The following WWOX variants were observed in gnomAD, a reference collection of about 807,000 sequenced individuals.
WWOX encodes WW domain-containing oxidoreductase.
WWOX carries 69 observed loss-of-function variants against 46.2 expected under a neutral mutation model. That is an observed-to-expected ratio of 1.49 (90% CI 1.23 to 1.82). The LOEUF is 1.82. Ranked by LOEUF, WWOX falls within the 40% of genes most tolerant of loss-of-function variation. WWOX has a pLI of 0.00. For missense variants in WWOX, 919 were observed against 542.6 expected, an observed-to-expected ratio of 1.69 and a Z score of -6.89; for synonymous variants, 359 against 202.6, an observed-to-expected ratio of 1.77 and a Z score of -6.56.
chr16:78,677,053 G>A (rs886775791), intron 8 of WWOX, among the ~76,000 whole-genome samples: 24 of 132,438 alleles, frequency 1.8e-4, no homozygotes, highest in Middle Eastern at 8.0e-3. Context: ...AATACCTAGC[G>A]TACTTTTTTT....
chr16:78,610,201 C>T (rs1054846960), intron 8 of WWOX, among the ~76,000 whole-genome samples: 2 of 152,072 alleles, frequency 1.3e-5, no homozygotes, highest in African/African-American at 2.4e-5. Flanking sequence ...GTACTTTGTG[C>T]GTTAATTCAG....
chr16:78,157,735 C>T lies in WWOX; in HGVS notation c.410-6448C>T, dbSNP rs376090526. ...TTCAGACAAACGGAATGGTGGAGCC[C>T]GAGGTTGATTTCTTTGAATTCTGGT... On this transcript the variant is annotated intron_variant, in intron 4 of 8. Coordinates refer to ENST00000566780, the MANE Select transcript of WWOX (RefSeq NM_016373.4). Among the ~76,000 whole-genome samples the T allele has an allele frequency of 2.2e-4, 34 of 152,246 alleles. No homozygotes were observed. The South Asian group carries it at 2.7e-3, about 12-fold the overall frequency.
chr16:78,144,429 C>CTATATATATATATATACGTGTATA (rs1300458731), intron 4 of WWOX, among the ~76,000 whole-genome samples: 13 of 15,396 alleles, frequency 8.4e-4, no homozygotes, highest in Non-Finnish European at 1.1e-3. Flanking sequence ...TTTGCCATTA[C>CTATATATATATATATACGTGTATA]TATATATATA....
At chr16:79,057,680 A>G (rs1158925599) in intron 8 of WWOX, among the ~76,000 whole-genome samples, 2 of 152,230 alleles carry the variant, frequency 1.3e-5, no homozygotes, top group African/African-American at 2.4e-5. Flanking sequence ...CTGGCCTACT[A>G]TGGTATTACA....
chr16:79,100,080 A>G (rs567486631), intron 8 of WWOX, among the ~76,000 whole-genome samples: 3 of 152,238 alleles, frequency 2.0e-5, no homozygotes, highest in Non-Finnish European at 4.4e-5. Flanking sequence ...ATCTAAGATT[A>G]TCTCCCTTCC....
chr16:78,316,655 TA>T (rs1202062624), intron 5 of WWOX, among the ~76,000 whole-genome samples: 1 of 152,056 alleles, frequency 6.6e-6, no homozygotes, highest in Non-Finnish European at 1.5e-5. Flanking sequence ...GTCTGTTTTT[TA>T]AATCTGGAAA....
intron 8 of WWOX, among the ~76,000 whole-genome samples, chr16:79,184,016 T>A (rs1567603949): frequency 6.6e-6 from 1 of 152,238 alleles, no homozygotes; most frequent in Non-Finnish European, 1.5e-5. Context: ...GACTGCATCT[T>A]TATAACTCTC....
At chr16:78,557,594 C>G (rs950214219) in intron 8 of WWOX, among the ~76,000 whole-genome samples, 3 of 151,950 alleles carry the variant, frequency 2.0e-5, no homozygotes, top group Admixed American at 6.6e-5. Context: ...AAGAGGATGA[C>G]CCTCTATCAC....
chr16:78,488,026 A>G (rs964663863), intron 8 of WWOX, among the ~76,000 whole-genome samples: 2 of 152,176 alleles, frequency 1.3e-5, no homozygotes, highest in Non-Finnish European at 1.5e-5. Flanking sequence ...AAATAAGTGG[A>G]ACTGGGACCT....
At chr16:79,074,899 T>G (rs894259121) in intron 8 of WWOX, among the ~76,000 whole-genome samples, 6 of 150,546 alleles carry the variant, frequency 4.0e-5, no homozygotes, top group Non-Finnish European at 5.9e-5. Context: ...AAAAGAAAAA[T>G]AAACGTTTTG....
At chr16:78,640,891 A>G in intron 8 of WWOX, among the ~76,000 whole-genome samples, 1 of 150,214 alleles carries the variant, frequency 6.7e-6, no homozygotes, top group Non-Finnish European at 1.5e-5. Flanking sequence ...GTGAGCCGAG[A>G]TCATGCCACT....
At chr16:78,380,070 T>C (rs888438130) in intron 5 of WWOX, among the ~76,000 whole-genome samples, 18 of 152,240 alleles carry the variant, frequency 1.2e-4, no homozygotes, top group African/African-American at 4.3e-4. Flanking sequence ...GTCTGTTAAC[T>C]GTGCTACCAA....
intron 8 of WWOX, among the ~76,000 whole-genome samples, chr16:79,210,575 C>CTCA (rs2051695913): frequency 6.6e-6 from 1 of 152,192 alleles, no homozygotes; most frequent in South Asian, 2.1e-4. Flanking sequence ...CCCTCTCCCT[C>CTCA]TCATCAGCTG....
intron 8 of WWOX, among the ~76,000 whole-genome samples, chr16:78,719,804 T>A (rs2048649615): frequency 6.6e-6 from 1 of 152,194 alleles, no homozygotes; most frequent in Non-Finnish European, 1.5e-5. Flanking sequence ...TTTCTCTTAT[T>A]ATAACAAACA....
chr16:78,744,146 C>T (rs1369502489), intron 8 of WWOX, among the ~76,000 whole-genome samples: 1 of 152,020 alleles, frequency 6.6e-6, no homozygotes, highest in African/African-American at 2.4e-5. Context: ...AGTAAACAGG[C>T]ATTTGATACA....
intron 8 of WWOX, among the ~76,000 whole-genome samples, chr16:79,109,922 T>C (rs2049384452): frequency 6.6e-6 from 1 of 151,966 alleles, no homozygotes; most frequent in Admixed American, 6.6e-5. Flanking sequence ...AACTTTGGAG[T>C]AGTATGTGAG....
At position 79,212,162 on chromosome 16, in the gene WWOX, C is replaced by A; in HGVS notation, c.*366C>A. ...TCCCCTCGTCCCATCCAGCTACCAC[C>A]ACGGCCACCACTGCAGCCGGGGGCT... On this transcript the variant is annotated 3_prime_UTR_variant, in exon 9 of 9. Transcript: ENST00000566780. The A allele has an allele frequency of 1.3e-6, 2 of 1,494,818 alleles. No homozygotes were observed. Among genetic ancestry groups the A allele is most frequent in the South Asian group, 2.6e-5 (2 of 77,012 alleles). 92.6% of individuals were successfully genotyped at this position (1,494,818 alleles called of 1,614,324 possible).
intron 8 of WWOX, among the ~76,000 whole-genome samples, chr16:78,734,499 G>A (rs2049038161): frequency 6.6e-6 from 1 of 152,250 alleles, no homozygotes; most frequent in East Asian, 1.9e-4. Flanking sequence ...CTAGTGAAGG[G>A]AGACATTTCT....
intron 6 of WWOX, among the ~76,000 whole-genome samples, chr16:78,415,804 T>A (rs931770249): frequency 6.6e-6 from 1 of 152,104 alleles, no homozygotes; most frequent in Non-Finnish European, 1.5e-5. Flanking sequence ...GTCACTCTCA[T>A]TGATGACAAC....
Sources: allele counts gnomAD v4.1 joint callset (sites outside exome capture counted in the v4.1 genomes callset), GRCh38; gene constraint gnomAD v4.1.1; transcripts MANE v1.5; gene names NCBI Gene and HGNC (gene_info 2026-07-23, HGNC 2026-07-21).